TMPRSS11D: variants seen among roughly 807,000 people sequenced by gnomAD.
The protein encoded by TMPRSS11D is transmembrane serine protease 11D, also known as transmembrane protease serine 11D.
TMPRSS11D carries 32 observed loss-of-function variants against 44.4 expected under a neutral mutation model. That is an observed-to-expected ratio of 0.72 (90% CI 0.54 to 0.97). The LOEUF is 0.97. TMPRSS11D is among the 50% of genes least tolerant of loss of function. The pLI, the probability that TMPRSS11D is intolerant of heterozygous loss-of-function variation, is 0.00. For synonymous variants in TMPRSS11D, 179 were observed against 177.9 expected (o/e 1.01, Z -0.05); for missense variants, 446 against 502.6 (o/e 0.89, Z 1.08).
At chr4:67,861,961 C>T (rs557416055) in intron 1 of TMPRSS11D, among the ~76,000 whole-genome samples, 17 of 152,198 alleles carry the variant, frequency 1.1e-4, no homozygotes, top group Middle Eastern at 3.4e-3. Flanking sequence ...TGTTTGTAAA[C>T]ACTGAATTTT....
Position 67,825,812 on chromosome 4 carries a change from C to G in TMPRSS11D, c.1015G>C (p.Ala339Pro). 1 of 1,613,182 alleles carries G rather than the reference C, an allele frequency of 6.2e-7. No homozygotes were observed. Among genetic ancestry groups the G allele is most frequent in the Non-Finnish European group, 8.5e-7 (1 of 1,179,474 alleles). ...VRIISNDVCNAPHSYNGAILS... is the reference protein window; with the variant it reads ...VRIISNDVCNPPHSYNGAILS... The stretch of plus-strand genomic sequence containing the variant: ...ATGGCTCCATTATAACTATGTGGTG[C>G]ATTACATACATCATTACTTATTATT... The change falls in exon 9 of 10, where the codon GCA becomes CCA. Residue 339 changes from alanine (A) to proline (P), a missense_variant. By Grantham distance (27) the Ala-to-Pro change is conservative. Transcript: ENST00000283916.
chr4:67,854,208 AG>A (rs1718578967), intron 2 of TMPRSS11D, 22 bp from the exon 3 acceptor site: 1 of 1,234,044 alleles, frequency 8.1e-7, no homozygotes, highest in Non-Finnish European at 1.2e-6. Flanking sequence ...ATAAAAGGGA[AG>A]GTCAGTCTTA....
At chr4:67,835,232 G>C (rs923218534) in intron 5 of TMPRSS11D, 111 bp from the exon 6 acceptor site, 1 of 1,006,634 alleles carries the variant, frequency 9.9e-7, no homozygotes, top group Non-Finnish European at 1.5e-6. Flanking sequence ...ACTTGTTGGG[G>C]TTGGGAGGTG....
Position 67,825,862 on chromosome 4 carries a change from G to C in TMPRSS11D, c.965C>G (p.Pro322Arg), listed in dbSNP as rs770287721. ...GAQEYAGHTVPELRQGQVRII... is the reference protein window; with the variant it reads ...GAQEYAGHTVRELRQGQVRII... ...TCTGACCTGTCCTTGCCTTAGCTCTGGAACTGTGTGGCCTGTTTGTTATAA... is the reference window on the plus strand; with the variant it reads ...TCTGACCTGTCCTTGCCTTAGCTCTCGAACTGTGTGGCCTGTTTGTTATAA... The change falls in exon 9 of 10, where the codon CCA (proline) becomes CGA (arginine). Residue 322 changes from proline to arginine, a missense_variant. Coordinates refer to ENST00000283916, the MANE Select transcript of TMPRSS11D (RefSeq NM_004262.3). 2.5e-6 allele frequency: 4 copies of C among 1,611,028 alleles called. No homozygotes were observed.
intron 5 of TMPRSS11D, among the ~76,000 whole-genome samples, chr4:67,837,031 A>C (rs1408507559): frequency 6.6e-6 from 1 of 152,002 alleles, no homozygotes; most frequent in Non-Finnish European, 1.5e-5. Context: ...TGGGCCTCAC[A>C]CTGGGCCCTT....
At chr4:67,873,106 C>T (rs1363491496) in intron 1 of TMPRSS11D, among the ~76,000 whole-genome samples, 2 of 152,148 alleles carry the variant, frequency 1.3e-5, no homozygotes, top group African/African-American at 4.8e-5. Context: ...CATGTTTAAC[C>T]TCAAGATGCC....
chr4:67,847,972 T>C (rs182773404), intron 3 of TMPRSS11D, among the ~76,000 whole-genome samples: 1 of 152,318 alleles, frequency 6.6e-6, no homozygotes, highest in African/African-American at 2.4e-5. Context: ...ACACCAAGTA[T>C]GTGCCAAATT....
intron 1 of TMPRSS11D, among the ~76,000 whole-genome samples, chr4:67,883,030 T>C (rs1414431607): frequency 6.6e-6 from 1 of 151,784 alleles, no homozygotes; most frequent in East Asian, 1.9e-4. Context: ...TATATATATA[T>C]TCAAGTGCAT....
At chr4:67,863,846 G>A (rs1718853351) in intron 1 of TMPRSS11D, among the ~76,000 whole-genome samples, 1 of 151,974 alleles carries the variant, frequency 6.6e-6, no homozygotes, top group Admixed American at 6.6e-5. Context: ...TTATTATAGA[G>A]GCAACTGAAG....
chr4:67,875,535 A>G (rs947023535), intron 1 of TMPRSS11D, among the ~76,000 whole-genome samples: 1 of 152,174 alleles, frequency 6.6e-6, no homozygotes, highest in Non-Finnish European at 1.5e-5. Context: ...GTCTGCTCGT[A>G]TATTTATTAC....
intron 3 of TMPRSS11D, among the ~76,000 whole-genome samples, chr4:67,847,904 T>G (rs1348281239): frequency 6.6e-6 from 1 of 152,170 alleles, no homozygotes; most frequent in East Asian, 1.9e-4. Flanking sequence ...AATCATGTCC[T>G]TATTTTGTGT....
At chr4:67,851,649 C>A (rs1480300448) in intron 3 of TMPRSS11D, among the ~76,000 whole-genome samples, 1 of 152,176 alleles carries the variant, frequency 6.6e-6, no homozygotes, top group Admixed American at 6.5e-5. Flanking sequence ...GTCTGGGCAT[C>A]CATTCCTTTC....
rs960166165 is a variant in TMPRSS11D, at chr4:67,869,625, G to T, written c.9-9947C>A. On this transcript the variant is annotated intron_variant, in intron 1 of 9. Transcript: ENST00000283916. Reference sequence around the variant, plus strand: ...GAAACTTTACTGTGGCTTACAAATAGAAAAGAAGGAAATATGAAATTTGGT... The same window carrying T: ...GAAACTTTACTGTGGCTTACAAATATAAAAGAAGGAAATATGAAATTTGGT... 3.5e-4 allele frequency among the ~76,000 whole-genome samples: 54 copies of T among 152,136 alleles called. 1 individual carries two copies. Among genetic ancestry groups the T allele is most frequent in the Admixed American group, 2.1e-3 (32 of 15,270 alleles).
chr4:67,872,476 A>G (rs1179293863), intron 1 of TMPRSS11D, among the ~76,000 whole-genome samples: 1 of 152,184 alleles, frequency 6.6e-6, no homozygotes, highest in Non-Finnish European at 1.5e-5. Context: ...AATATCACGT[A>G]TATTTGATTA....
At chr4:67,872,474 G>A (rs191536567) in intron 1 of TMPRSS11D, among the ~76,000 whole-genome samples, 6 of 152,226 alleles carry the variant, frequency 3.9e-5, no homozygotes, top group Admixed American at 1.3e-4. Context: ...TGAATATCAC[G>A]TATATTTGAT....
intron 6 of TMPRSS11D, 161 bp from the exon 7 acceptor site, chr4:67,833,542 G>A (rs1258123105): frequency 3.5e-6 from 2 of 570,688 alleles, no homozygotes; most frequent in Non-Finnish European, 2.7e-6. Flanking sequence ...TTTCTACAAT[G>A]CATTTGTGAC....
At chr4:67,824,052 A>G (rs1717720843) in intron 9 of TMPRSS11D, among the ~76,000 whole-genome samples, 1 of 152,046 alleles carries the variant, frequency 6.6e-6, no homozygotes, top group Admixed American at 6.6e-5. Flanking sequence ...AATTAATATA[A>G]TTCCTTTGAA....
At chr4:67,871,133 T>C (rs1033406830) in intron 1 of TMPRSS11D, among the ~76,000 whole-genome samples, 1 of 120,960 alleles carries the variant, frequency 8.3e-6, no homozygotes, top group African/African-American at 3.0e-5. Context: ...TATTGAAAAG[T>C]CTATAAAGGA....
In TMPRSS11D at chr4:67,821,023, AAGAAGT is replaced by A. The variant is rs1186666982; in HGVS notation, c.*1308_*1313del. ...TGCACAATTTTACATCAGGAAATAC[AAGAAGT>A]TTTCAGCAAATGTATGGAGCAGTCC... On this transcript the variant is annotated 3_prime_UTR_variant, in exon 10 of 10. Transcript: ENST00000283916. 6.6e-6 allele frequency: 1 copy of A among 152,240 alleles called. No homozygotes were observed. Among genetic ancestry groups the A allele is most frequent in the Admixed American group, 6.5e-5 (1 of 15,286 alleles). The allele number at this position is 152,240 out of a possible 1,614,324, so 9.4% of individuals were successfully genotyped here.
Sources: gnomAD v4.1 joint callset for allele counts (sites outside exome capture counted in the v4.1 genomes callset) on GRCh38, gnomAD v4.1.1 for gene constraint, MANE v1.5 for transcripts, NCBI Gene and HGNC (gene_info 2026-07-23, HGNC 2026-07-21) for gene names.